PTPRN2: variants seen among roughly 807,000 people sequenced by gnomAD.
PTPRN2 encodes receptor-type tyrosine-protein phosphatase N2.
A neutral mutation model predicts 118.8 loss-of-function variants in PTPRN2; 74 were observed. The observed-to-expected ratio is 0.62, with a 90% confidence interval of 0.52 to 0.76. PTPRN2 has a LOEUF of 0.76. Among genes scored for constraint, PTPRN2 ranks in the 30% least tolerant of loss-of-function variants. The pLI is 0.00. For synonymous variants in PTPRN2, 641 were observed against 608.0 expected, an observed-to-expected ratio of 1.05 and a Z score of -0.80; for missense variants, 1,481 against 1,394.4, an observed-to-expected ratio of 1.06 and a Z score of -0.99.
intron 11 of PTPRN2, among the ~76,000 whole-genome samples, chr7:157,899,572 C>G (rs750205075): frequency 1.3e-5 from 2 of 152,138 alleles, no homozygotes; most frequent in Non-Finnish European, 2.9e-5. Flanking sequence ...GAGTGCCTTG[C>G]AATTGTGATT....
intron 14 of PTPRN2, among the ~76,000 whole-genome samples, chr7:157,651,584 C>G (rs920032697): frequency 3.3e-5 from 5 of 152,210 alleles, no homozygotes; most frequent in Admixed American, 2.6e-4. Context: ...GACGGTGACA[C>G]TCTTCTCCAC....
At chr7:157,820,545 T>C (rs961217254) in intron 12 of PTPRN2, among the ~76,000 whole-genome samples, 2 of 144,144 alleles carry the variant, frequency 1.4e-5, no homozygotes, top group African/African-American at 5.3e-5. Context: ...CCCACACACG[T>C]GCACACACAC....
chr7:158,117,228 AAAATAT>A (rs1310215597), intron 9 of PTPRN2, among the ~76,000 whole-genome samples: 3 of 152,174 alleles, frequency 2.0e-5, no homozygotes, highest in Non-Finnish European at 4.4e-5. Flanking sequence ...GAGAAAACCT[AAAATAT>A]AAAAGAAATT....
intron 2 of PTPRN2, among the ~76,000 whole-genome samples, chr7:158,392,567 G>A (rs1812018988): frequency 6.6e-6 from 1 of 152,134 alleles, no homozygotes; most frequent in Admixed American, 6.5e-5. Context: ...CAGAACATGT[G>A]GGTGCAGCCC....
rs140146919 is a variant in PTPRN2 at position 157,841,704 on chromosome 7, T to G, written c.1788+56969A>C. Among the ~76,000 whole-genome samples, 1,358 of 152,316 alleles carry G rather than the reference T, an allele frequency of 8.9e-3. 19 individuals are homozygous for G. The highest frequency in any genetic ancestry group is 0.072 in the South Asian group (350 of 4,830). ...AGCACGTGGGACAATAAGGAAGCCT[T>G]CCATAGAAAGAGAAGCAAAGCTGGG... is the stretch of plus-strand genomic sequence containing the variant. On this transcript the variant is annotated intron_variant, in intron 12 of 22. Coordinates refer to ENST00000389418, the MANE Select transcript of PTPRN2 (RefSeq NM_002847.5).
rs80082518 is a variant in PTPRN2, at chr7:158,325,887, G to A, written c.164-8955C>T. On this transcript the variant is annotated intron_variant, in intron 2 of 22. Coordinates refer to ENST00000389418, the MANE Select transcript of PTPRN2 (RefSeq NM_002847.5). ...AAACACCAAATGCATCCGCTCTTGC[G>A]GCTGCCAGCTGACCCTGCCCAGACA... Among the ~76,000 whole-genome samples the A allele has an allele frequency of 5.4e-4, 83 of 152,300 alleles. No homozygotes were observed. In the East Asian group the frequency reaches 8.7e-3, roughly 16 times the overall value.
chr7:157,939,712 A>T (rs10226480), intron 11 of PTPRN2, among the ~76,000 whole-genome samples: 1 of 152,204 alleles, frequency 6.6e-6, no homozygotes, highest in African/African-American at 2.4e-5. Context: ...TCCCTCTGGC[A>T]TATCTTACAA....
intron 13 of PTPRN2, among the ~76,000 whole-genome samples, chr7:157,660,525 A>AT (rs1240865364): frequency 3.3e-5 from 5 of 152,178 alleles, no homozygotes; most frequent in East Asian, 1.9e-4. Flanking sequence ...CTCTAAGCCT[A>AT]TTTTTTCACT....
At chr7:158,337,117 G>A (rs76952403) in intron 2 of PTPRN2, among the ~76,000 whole-genome samples, 33 of 140,840 alleles carry the variant, frequency 2.3e-4, no homozygotes, top group African/African-American at 8.4e-4. Context: ...TAAGAGCTGA[G>A]GCCCACAGAG....
chr7:158,086,446 G>A (rs534632737), intron 10 of PTPRN2, among the ~76,000 whole-genome samples: 30 of 152,316 alleles, frequency 2.0e-4, no homozygotes, highest in African/African-American at 2.2e-4. Flanking sequence ...AGCTGCCAGC[G>A]TTTGATTAAT....
At chr7:158,194,999 G>A (rs377369356) in intron 4 of PTPRN2, among the ~76,000 whole-genome samples, 28 of 152,320 alleles carry the variant, frequency 1.8e-4, no homozygotes, top group African/African-American at 6.7e-4. Flanking sequence ...CTTTAAATGT[G>A]ATTTAAGTGA....
intron 10 of PTPRN2, among the ~76,000 whole-genome samples, chr7:158,092,205 C>CAT (rs149332395): frequency 0.057 from 8,344 of 147,602 alleles, 298 homozygotes; most frequent in East Asian, 0.17. Context: ...TATATGTGTG[C>CAT]ATATATATAT....
At chr7:158,073,683 T>C (rs1203586726) in intron 11 of PTPRN2, among the ~76,000 whole-genome samples, 1 of 151,244 alleles carries the variant, frequency 6.6e-6, no homozygotes, top group Non-Finnish European at 1.5e-5. Context: ...TATGCGGAGA[T>C]GAGGCCGCTT....
At chr7:157,790,228 GGT>G (rs1295246423) in intron 12 of PTPRN2, among the ~76,000 whole-genome samples, 1 of 139,800 alleles carries the variant, frequency 7.2e-6, no homozygotes, top group African/African-American at 2.7e-5. Context: ...TGTGTATGGT[GGT>G]GTGTGTGTGT....
chr7:157,692,288 AC>A (rs1320321402), intron 12 of PTPRN2, among the ~76,000 whole-genome samples: 1 of 148,542 alleles, frequency 6.7e-6, no homozygotes, highest in Non-Finnish European at 1.5e-5. Context: ...ACTCCTCCAC[AC>A]CCCCCACCTC....
At chr7:158,068,449 C>T (rs1382307534) in intron 11 of PTPRN2, among the ~76,000 whole-genome samples, 1 of 152,124 alleles carries the variant, frequency 6.6e-6, no homozygotes. Flanking sequence ...CCCAGCACCA[C>T]CTTTGCACTC....
In PTPRN2 at chr7:157,610,816, TAGTC is replaced by T. The variant is rs1585104828; in HGVS notation, c.2345-6745_2345-6742del. 6.6e-6 allele frequency among the ~76,000 whole-genome samples: 1 copy of T among 152,220 alleles called. No homozygotes were observed. The highest frequency in any genetic ancestry group is 2.4e-5 in the African/African-American group (1 of 41,464). ...TCTTCCTCCCACACGCTCCTGTCCTTAGTCAGCAGGCAGACATTCTGCTTCCAAC... is the reference window on the plus strand; with the variant it reads ...TCTTCCTCCCACACGCTCCTGTCCTTAGCAGGCAGACATTCTGCTTCCAAC... On this transcript the variant is annotated intron_variant, in intron 15 of 22. Transcript: ENST00000389418. This position sits in a 1 kb window ranked among gnomAD's most constrained non-coding sequence, Gnocchi z 5.1.
chr7:158,310,723 C>T (rs1011866947), intron 3 of PTPRN2, among the ~76,000 whole-genome samples: 2 of 146,890 alleles, frequency 1.4e-5, no homozygotes, highest in South Asian at 2.2e-4. Context: ...CCGGACAGAG[C>T]GCAAGTCCCA....
chr7:158,150,284 T>C (rs959826013), intron 6 of PTPRN2, among the ~76,000 whole-genome samples: 1 of 152,244 alleles, frequency 6.6e-6, no homozygotes, highest in Non-Finnish European at 1.5e-5. Context: ...ATCCAGGCTG[T>C]TTCTGCTAAA....
Sources: allele counts gnomAD v4.1 joint callset (sites outside exome capture counted in the v4.1 genomes callset), GRCh38; gene constraint gnomAD v4.1.1; non-coding constraint Gnocchi (gnomAD v3.1); transcripts MANE v1.5; gene names NCBI Gene and HGNC (gene_info 2026-07-23, HGNC 2026-07-21).